The following TMEM120B variants were observed in gnomAD, a reference collection of about 807,000 sequenced individuals.
TMEM120B encodes transmembrane protein 120B.
In TMEM120B, 31 loss-of-function variants were observed where a neutral mutation model predicts 55.5. That is an observed-to-expected ratio of 0.56 (90% CI 0.42 to 0.75). The LOEUF (loss-of-function observed/expected upper bound fraction) is 0.75, where lower values mean the gene tolerates loss of function less well. Among genes scored for constraint, TMEM120B ranks in the 30% least tolerant of loss-of-function variants. The pLI is 0.00. For missense variants in TMEM120B, 399 were observed against 425.5 expected (o/e 0.94, Z 0.55); for synonymous variants, 203 against 176.3 (o/e 1.15, Z -1.20).
In TMEM120B at chr12:121,743,616, C is replaced by G; in HGVS notation, c.70-13C>G. On this transcript the variant is annotated splice_polypyrimidine_tract_variant and intron_variant, in intron 1 of 11. Coordinates refer to ENST00000449592, the MANE Select transcript of TMEM120B (RefSeq NM_001080825.2). Reference sequence around the variant, plus strand: ...TCTCCCACACACCCTCCCCCGGGTCCCCTGTTCTTCAGGAGACGCACAGGA... The same window carrying G: ...TCTCCCACACACCCTCCCCCGGGTCGCCTGTTCTTCAGGAGACGCACAGGA... 1.2e-6 allele frequency: 2 copies of G among 1,603,192 alleles called. No homozygotes were observed. The highest frequency in any genetic ancestry group is 1.7e-6 in the Non-Finnish European group (2 of 1,170,972).
chr12:121,760,492 C>T (rs1272602194), intron 5 of TMEM120B, among the ~76,000 whole-genome samples: 3 of 152,168 alleles, frequency 2.0e-5, no homozygotes, highest in South Asian at 2.1e-4. Context: ...GGGGCGCGTG[C>T]GCAGTTTGTT....
intron 5 of TMEM120B, among the ~76,000 whole-genome samples, chr12:121,753,959 C>G (rs549932045): frequency 2.6e-5 from 4 of 152,224 alleles, no homozygotes; most frequent in Non-Finnish European, 4.4e-5. Context: ...ACAGCCATGC[C>G]GTGAGGCTGT....
intron 1 of TMEM120B, among the ~76,000 whole-genome samples, chr12:121,721,803 A>ATTTTTTT (rs1894793852): frequency 2.8e-4 from 21 of 73,964 alleles, no homozygotes; most frequent in African/African-American, 5.6e-4. Context: ...AATCAGTTCT[A>ATTTTTTT]CTTTTTTTTT....
chr12:121,772,353 CT>C (rs1874093448), intron 8 of TMEM120B, among the ~76,000 whole-genome samples: 2 of 151,946 alleles, frequency 1.3e-5, no homozygotes, highest in African/African-American at 2.4e-5. Flanking sequence ...TGGTCTGGAA[CT>C]CCTGACCTCA....
intron 1 of TMEM120B, among the ~76,000 whole-genome samples, chr12:121,727,563 C>T (rs988033840): frequency 1.3e-4 from 19 of 149,708 alleles, no homozygotes; most frequent in African/African-American, 3.9e-4. Context: ...AAAAAAAGAC[C>T]GTGCCCTGGT....
chr12:121,760,461 G>A (rs1283742182), intron 5 of TMEM120B, among the ~76,000 whole-genome samples: 3 of 152,318 alleles, frequency 2.0e-5, no homozygotes, highest in East Asian at 1.9e-4. Context: ...GTCTGCATGC[G>A]CAGTGGCCTG....
intron 5 of TMEM120B, chr12:121,759,097 T>C (rs1873583152): frequency 1.2e-6 from 1 of 807,020 alleles, no homozygotes; most frequent in Non-Finnish European, 1.5e-6. Context: ...GCAGACAACC[T>C]AAAATAGAAC....
intron 5 of TMEM120B, chr12:121,758,469 G>A (rs926030367): frequency 1.0e-6 from 1 of 974,082 alleles, no homozygotes; most frequent in African/African-American, 2.0e-5. Flanking sequence ...CTAGCTCCAC[G>A]CTGTGGCCAC....
intron 1 of TMEM120B, among the ~76,000 whole-genome samples, chr12:121,734,694 A>G (rs1000985439): frequency 6.6e-6 from 1 of 152,026 alleles, no homozygotes; most frequent in Non-Finnish European, 1.5e-5. Flanking sequence ...TGGGTGGATC[A>G]CCTGAGGTCA....
intron 1 of TMEM120B, among the ~76,000 whole-genome samples, chr12:121,736,197 G>T (rs975080952): frequency 1.3e-5 from 2 of 151,054 alleles, no homozygotes; most frequent in East Asian, 2.0e-4. Context: ...TTTTAAGACG[G>T]CGTGTCTCGC....
Position 121,779,370 on chromosome 12 carries a change from C to T in TMEM120B, c.*3648C>T. 1.0e-6 allele frequency: 1 copy of T among 993,162 alleles called. No individual in the cohort carries two copies. Among genetic ancestry groups the T allele is most frequent in the Non-Finnish European group, 1.5e-6 (1 of 686,662 alleles). 61.5% of individuals were successfully genotyped at this position (993,162 alleles called of 1,614,324 possible). A position where few individuals can be genotyped will look rare whatever the true frequency, so the allele number is the denominator to read the frequency against. ...GGAAAGGAGAGAGTTCCAGAATGTT[C>T]CAAGAGTCTAGCCGCAGGCCCCAGA... On this transcript the variant is annotated 3_prime_UTR_variant, in exon 12 of 12. Transcript: ENST00000449592.
chr12:121,742,811 C>T (rs761246116), intron 1 of TMEM120B, among the ~76,000 whole-genome samples: 3 of 151,948 alleles, frequency 2.0e-5, no homozygotes, highest in Non-Finnish European at 4.4e-5. Context: ...CTCCTGACCT[C>T]TGATCTACCT....
At chr12:121,723,503 C>T (rs970663297) in intron 1 of TMEM120B, among the ~76,000 whole-genome samples, 1 of 152,088 alleles carries the variant, frequency 6.6e-6, no homozygotes, top group Non-Finnish European at 1.5e-5. Context: ...GCAGGAGCTG[C>T]CAGTGAGGAG....
At chr12:121,748,209 T>A in intron 2 of TMEM120B, 117 bp from the exon 3 acceptor site, 1 of 499,114 alleles carries the variant, frequency 2.0e-6, no homozygotes, top group Non-Finnish European at 3.6e-6. Context: ...GGTGGGAGGC[T>A]GGGGTAGAAG....
In TMEM120B at chr12:121,771,552, G is replaced by T. The variant is rs368348359; in HGVS notation, c.679+3G>T. The T allele has an allele frequency of 6.2e-7, 1 of 1,613,762 alleles. No homozygotes were observed. Among genetic ancestry groups the T allele is most frequent in the Non-Finnish European group, 8.5e-7 (1 of 1,179,738 alleles). ...CTTAGCATTTTCCATTTTTCAGAGT[G>T]AGTGACTGTTGCCTGGATTTGGGGG... On this transcript the variant is annotated splice_donor_region_variant and intron_variant, in intron 8 of 11. Transcript: ENST00000449592.
intron 1 of TMEM120B, among the ~76,000 whole-genome samples, chr12:121,716,760 A>G (rs1404720440): frequency 7.2e-5 from 11 of 151,846 alleles, no homozygotes; most frequent in Non-Finnish European, 1.5e-5. Context: ...ACAGGGTTTC[A>G]CCATCTTGGC....
Position 121,779,519 on chromosome 12 carries a change from G to A in TMEM120B, c.*3797G>A, listed in dbSNP as rs1333440244. 6.2e-7 allele frequency: 1 copy of A among 1,612,800 alleles called. No homozygotes were observed. The highest frequency in any genetic ancestry group is 1.7e-5 in the Admixed American group (1 of 60,026). On this transcript the variant is annotated 3_prime_UTR_variant, in exon 12 of 12. Coordinates refer to ENST00000449592, the MANE Select transcript of TMEM120B (RefSeq NM_001080825.2). Reference sequence around the variant, plus strand: ...TGGGTCAGAGCAGCAGGCAGAGCCGGCGCTTCTTCTGCCGTTGCGCCTTCT... The same window carrying A: ...TGGGTCAGAGCAGCAGGCAGAGCCGACGCTTCTTCTGCCGTTGCGCCTTCT...
chr12:121,717,410 A>G (rs1166004315), intron 1 of TMEM120B, among the ~76,000 whole-genome samples: 2 of 152,178 alleles, frequency 1.3e-5, no homozygotes, highest in Non-Finnish European at 2.9e-5. Context: ...CATCAGGGAG[A>G]CAGGCTCGAA....
At chr12:121,740,074 C>A (rs528803676) in intron 1 of TMEM120B, among the ~76,000 whole-genome samples, 1 of 152,188 alleles carries the variant, frequency 6.6e-6, no homozygotes, top group South Asian at 2.1e-4. Context: ...CCAACGCGCC[C>A]GGCGACTCCC....
Sources: gnomAD v4.1 joint callset for allele counts (sites outside exome capture counted in the v4.1 genomes callset) on GRCh38, gnomAD v4.1.1 for gene constraint, MANE v1.5 for transcripts, NCBI Gene and HGNC (gene_info 2026-07-23, HGNC 2026-07-21) for gene names.